The following PCDHA3 variants were observed in gnomAD, a reference collection of about 807,000 sequenced individuals.
PCDHA3 encodes the protein protocadherin alpha-3.
A neutral mutation model predicts 62.2 loss-of-function variants in PCDHA3; 41 were observed. The ratio of observed to expected loss-of-function variants is 0.66; its 90% CI spans 0.51 to 0.86. The LOEUF (loss-of-function observed/expected upper bound fraction) is 0.86, where lower values mean the gene tolerates loss of function less well. Among genes scored for constraint, PCDHA3 ranks in the 40% least tolerant of loss-of-function variants. The pLI, the probability that PCDHA3 is intolerant of heterozygous loss-of-function variation, is 0.00. For synonymous variants in PCDHA3, 640 were observed against 555.4 expected (o/e 1.15, Z -2.14); for missense variants, 1,304 against 1,241.2 (o/e 1.05, Z -0.76).
chr5:140,993,850 G>A (rs1187946683), intron 3 of PCDHA3, among the ~76,000 whole-genome samples: 2 of 152,144 alleles, frequency 1.3e-5, no homozygotes, highest in African/African-American at 4.8e-5. Context: ...TATGTAGTAG[G>A]CTATGCCATC....
At chr5:140,807,209 G>T in intron 1 of PCDHA3, 1 of 1,613,838 alleles carries the variant, frequency 6.2e-7, no homozygotes, top group Non-Finnish European at 8.5e-7. Context: ...CTGGGGAAGC[G>T]GCCAGGAATC....
chr5:140,945,807 C>G (rs1408404648), intron 1 of PCDHA3, among the ~76,000 whole-genome samples: 1 of 152,120 alleles, frequency 6.6e-6, no homozygotes, highest in African/African-American at 2.4e-5. Context: ...AGACCCTTAT[C>G]TCACACTGTA....
intron 3 of PCDHA3, among the ~76,000 whole-genome samples, chr5:140,986,748 A>G (rs2097211627): frequency 6.6e-6 from 1 of 152,220 alleles, no homozygotes; most frequent in Non-Finnish European, 1.5e-5. Flanking sequence ...GGGATCTGGG[A>G]CTAAACAGTG....
At chr5:140,837,490 C>A (rs1775075680) in intron 1 of PCDHA3, among the ~76,000 whole-genome samples, 1 of 146,602 alleles carries the variant, frequency 6.8e-6, no homozygotes, top group East Asian at 2.0e-4. Context: ...ATTTACTTTA[C>A]CTTTCTGAAT....
intron 1 of PCDHA3, among the ~76,000 whole-genome samples, chr5:140,921,561 T>C (rs373696344): frequency 6.6e-6 from 1 of 152,194 alleles, no homozygotes; most frequent in South Asian, 2.1e-4. Context: ...AGCTCTATTA[T>C]GTTATAGTAG....
chr5:140,959,102 G>A (rs556528085), intron 1 of PCDHA3, among the ~76,000 whole-genome samples: 2 of 152,214 alleles, frequency 1.3e-5, no homozygotes, highest in South Asian at 4.2e-4. Flanking sequence ...ACATTCAGCA[G>A]GGGTCCGAAG....
At chr5:140,805,132 T>A in intron 1 of PCDHA3, 1 of 1,575,888 alleles carries the variant, frequency 6.3e-7, no homozygotes. Context: ...GGCAAAGACA[T>A]TTTGAAGACT....
intron 1 of PCDHA3, chr5:140,857,488 C>T: frequency 6.3e-7 from 1 of 1,598,442 alleles, no homozygotes; most frequent in Non-Finnish European, 8.6e-7. Flanking sequence ...CTGCGTGGGA[C>T]GCGGACGCGC....
In PCDHA3 at chr5:140,856,320, G is replaced by T. The variant is rs2043925109; in HGVS notation, c.2394+52729G>T. 1.8e-5 allele frequency: 28 copies of T among 1,598,544 alleles called. 3 individuals carry two copies. Among genetic ancestry groups the T allele is most frequent in the Non-Finnish European group, 2.4e-5 (28 of 1,168,074 alleles). ...TTGTTTGTGAATTCTCGGATTGACC[G>T]CGAGGAGCTGTGCGGGCGGAGCGTG... On this transcript the variant is annotated intron_variant, in intron 1 of 3. Coordinates refer to ENST00000522353, the MANE Select transcript of PCDHA3 (RefSeq NM_018906.3).
intron 1 of PCDHA3, among the ~76,000 whole-genome samples, chr5:140,833,473 A>T (rs1772481648): frequency 6.6e-6 from 1 of 152,222 alleles, no homozygotes; most frequent in African/African-American, 2.4e-5. Context: ...ATTTTAAAAG[A>T]AATAATACAA....
At position 141,004,143 on chromosome 5, in the gene PCDHA3, C is replaced by T. The variant is rs1023273119; in HGVS notation, c.2543-5484C>T. 2.6e-5 allele frequency among the ~76,000 whole-genome samples: 4 copies of T among 152,252 alleles called. No homozygotes were observed. In the East Asian group the frequency reaches 7.7e-4, roughly 29 times the overall value. ...TATCTCCATGATTCTGCCCCAAAGG[C>T]ATGACATTTTATAGGCAAAGCCAGC... On this transcript the variant is annotated intron_variant, in intron 3 of 3. Transcript: ENST00000522353.
chr5:140,969,261 T>G (rs2153777840), intron 1 of PCDHA3: 1 of 1,614,180 alleles, frequency 6.2e-7, no homozygotes, highest in South Asian at 1.1e-5. Flanking sequence ...AGCAGGAATC[T>G]CACAGGCCAA....
Position 140,802,045 on chromosome 5 carries a change from C to T in PCDHA3, c.848C>T (p.Thr283Met), listed in dbSNP as rs781990436. Reference sequence around the variant, plus strand: ...AAGGATATCGCGTATTCTTTCAATACGGACATGTCAGCAGATATTCTGTCA... The same window carrying T: ...AAGGATATCGCGTATTCTTTCAATATGGACATGTCAGCAGATATTCTGTCA... ...VNKDIAYSFN[T>M]DMSADILSKF... is the part of the protein sequence containing the mutation. The change falls in exon 1 of 4, where the codon ACG (threonine) becomes ATG (methionine). Residue 283 changes from threonine to methionine, a missense_variant. By Grantham distance (81) the Thr-to-Met change is moderately conservative. Coordinates refer to ENST00000522353, the MANE Select transcript of PCDHA3 (RefSeq NM_018906.3). The T allele has an allele frequency of 1.2e-5, 20 of 1,614,022 alleles. No individual in the cohort carries two copies. The East Asian group carries it at 3.8e-4, about 31-fold the overall frequency.
At chr5:140,975,552 G>A (rs1416724640) in intron 1 of PCDHA3, among the ~76,000 whole-genome samples, 1 of 152,200 alleles carries the variant, frequency 6.6e-6, no homozygotes, top group Non-Finnish European at 1.5e-5. Flanking sequence ...CTATTAGGAA[G>A]GAAAAGGAGA....
At chr5:140,866,540 C>T (rs920003585) in intron 1 of PCDHA3, 4 of 152,134 alleles carry the variant, frequency 2.6e-5, no homozygotes, top group Admixed American at 2.6e-4. Context: ...GAATTAGCAT[C>T]ACGGAATAAA....
chr5:140,818,335 A>T (rs2150050058), intron 1 of PCDHA3, among the ~76,000 whole-genome samples: 1 of 152,330 alleles, frequency 6.6e-6, no homozygotes, highest in South Asian at 2.1e-4. Flanking sequence ...TTGTTATTCT[A>T]GGCCACTGTC....
intron 1 of PCDHA3, among the ~76,000 whole-genome samples, chr5:140,932,121 T>C (rs1343821167): frequency 6.6e-6 from 1 of 151,956 alleles, no homozygotes; most frequent in Non-Finnish European, 1.5e-5. Context: ...ATTGATAATA[T>C]TTAAGATATA....
At chr5:140,965,113 G>C (rs1343720863) in intron 1 of PCDHA3, among the ~76,000 whole-genome samples, 1 of 152,218 alleles carries the variant, frequency 6.6e-6, no homozygotes, top group Non-Finnish European at 1.5e-5. Context: ...ATGACCCATA[G>C]AGGAAGATCT....
At chr5:140,850,125 C>T (rs2041366317) in intron 1 of PCDHA3, 1 of 1,596,002 alleles carries the variant, frequency 6.3e-7, no homozygotes, top group Non-Finnish European at 8.6e-7. Context: ...GGGCGTGCCG[C>T]CTCTGGGCAG....
Sources: gnomAD v4.1 joint callset for allele counts (sites outside exome capture counted in the v4.1 genomes callset) on GRCh38, gnomAD v4.1.1 for gene constraint, MANE v1.5 for transcripts, NCBI Gene and HGNC (gene_info 2026-07-23, HGNC 2026-07-21) for gene names.